Variants in LDB3 observed in about 807,000 individuals in gnomAD.
LDB3 encodes LIM domain binding 3.
LDB3 carries 49 observed loss-of-function variants against 69.0 expected under a neutral mutation model. The ratio of observed to expected loss-of-function variants is 0.71; its 90% CI spans 0.56 to 0.90. The LOEUF is 0.90. LDB3 is among the 40% of genes least tolerant of loss of function. The pLI, the probability that LDB3 is intolerant of heterozygous loss-of-function variation, is 0.00. For synonymous variants in LDB3, 387 were observed against 396.2 expected, an observed-to-expected ratio of 0.98 and a Z score of 0.28; for missense variants, 928 against 974.1, an observed-to-expected ratio of 0.95 and a Z score of 0.63.
At chr10:86,697,510 C>T (rs1225605154) in intron 7 of LDB3, among the ~76,000 whole-genome samples, 4 of 150,820 alleles carry the variant, frequency 2.7e-5, no homozygotes, top group Non-Finnish European at 5.9e-5. Context: ...CGTGAGCCGC[C>T]GTGCCCGGCC....
At chr10:86,710,558 G>A (rs954327729) in intron 9 of LDB3, among the ~76,000 whole-genome samples, 2 of 152,242 alleles carry the variant, frequency 1.3e-5, no homozygotes, top group African/African-American at 4.8e-5. Flanking sequence ...ACTCCAGCCT[G>A]GGCGACAGAA....
intron 2 of LDB3, among the ~76,000 whole-genome samples, chr10:86,669,685 G>A (rs575988232): frequency 1.3e-5 from 2 of 152,370 alleles, no homozygotes; most frequent in Admixed American, 1.3e-4. Context: ...CAGGGCTGAA[G>A]GCCCCAAGGC....
chr10:86,689,585 C>T (rs879326657), intron 5 of LDB3, among the ~76,000 whole-genome samples: 2 of 152,214 alleles, frequency 1.3e-5, no homozygotes, highest in African/African-American at 4.8e-5. Flanking sequence ...TAGCTCCCCC[C>T]GCCTTTCCTA....
chr10:86,718,145 G>T lies in LDB3; in HGVS notation c.1857+1G>T, dbSNP rs892709674. 1 of 1,613,854 alleles carries T rather than the reference G, an allele frequency of 6.2e-7. No homozygotes were observed. The highest frequency in any genetic ancestry group is 8.5e-7 in the Non-Finnish European group (1 of 1,179,756). ...CAAGTGCAACACCAAAATTATGGGG[G>T]TAAGTGGGAGGCCTCCATTTCCTCT... On this transcript the variant is annotated splice_donor_variant, in intron 11 of 13. Coordinates refer to ENST00000361373, the MANE Select transcript of LDB3 (RefSeq NM_007078.3). LOFTEE classifies it high-confidence loss of function.
At chr10:86,682,959 A>C (rs4934244) in intron 5 of LDB3, among the ~76,000 whole-genome samples, 3 of 151,626 alleles carry the variant, frequency 2.0e-5, no homozygotes. Flanking sequence ...AGCTCTTTCT[A>C]GAATCCTCAG....
chr10:86,722,802 C>A (rs1413274321), intron 12 of LDB3, among the ~76,000 whole-genome samples: 1 of 151,114 alleles, frequency 6.6e-6, no homozygotes, highest in Non-Finnish European at 1.5e-5. Flanking sequence ...CTCCTGACCT[C>A]GTGATCTACC....
At chr10:86,725,645 A>G (rs1027060190) in intron 12 of LDB3, among the ~76,000 whole-genome samples, 42 of 152,210 alleles carry the variant, frequency 2.8e-4, no homozygotes, top group African/African-American at 9.2e-4. Context: ...GACATGCCCC[A>G]ATAAAGTAGT....
intron 13 of LDB3, among the ~76,000 whole-genome samples, chr10:86,727,377 G>T (rs1847291359): frequency 6.6e-6 from 1 of 151,976 alleles, no homozygotes; most frequent in Non-Finnish European, 1.5e-5. Context: ...AGTGTCTCAA[G>T]GTAAATTTTG....
At chr10:86,713,825 T>C (rs1473765856) in intron 9 of LDB3, among the ~76,000 whole-genome samples, 2 of 152,238 alleles carry the variant, frequency 1.3e-5, no homozygotes, top group African/African-American at 4.8e-5. Context: ...GTCCCCAGCA[T>C]GCCCTGTGGG....
intron 9 of LDB3, among the ~76,000 whole-genome samples, chr10:86,714,641 C>T (rs1284842025): frequency 8.6e-5 from 13 of 150,824 alleles, no homozygotes; most frequent in Admixed American, 4.6e-4. Flanking sequence ...CTGCAAGCTC[C>T]GCCTCCTGGG....
At chr10:86,701,537 A>G (rs1846263510) in intron 7 of LDB3, among the ~76,000 whole-genome samples, 1 of 152,166 alleles carries the variant, frequency 6.6e-6, no homozygotes, top group East Asian at 1.9e-4. Context: ...GTCTGTGGGC[A>G]TTTGTGGAGG....
intron 8 of LDB3, among the ~76,000 whole-genome samples, chr10:86,707,883 C>G (rs1476639118): frequency 6.6e-6 from 1 of 152,266 alleles, no homozygotes; most frequent in Non-Finnish European, 1.5e-5. Context: ...ATTTAGGACA[C>G]TGCTTCCCCT....
intron 7 of LDB3, among the ~76,000 whole-genome samples, chr10:86,697,185 T>G (rs1026470309): frequency 1.3e-5 from 2 of 151,174 alleles, no homozygotes; most frequent in Non-Finnish European, 2.9e-5. Context: ...TTAAAGTTGC[T>G]CTTCCTGATT....
At chr10:86,690,772 G>C (rs957907703) in intron 5 of LDB3, among the ~76,000 whole-genome samples, 5 of 152,256 alleles carry the variant, frequency 3.3e-5, no homozygotes, top group African/African-American at 1.2e-4. Context: ...CTCCCACTGG[G>C]CAGAAGTAGC....
At chr10:86,716,183 C>A in intron 9 of LDB3, 144 bp from the exon 10 acceptor site, 1 of 912,076 alleles carries the variant, frequency 1.1e-6, no homozygotes, top group Non-Finnish European at 1.8e-6. Context: ...TCAAGAAGTT[C>A]AGGAACAAGT....
chr10:86,715,078 A>G (rs1252934731), intron 9 of LDB3, among the ~76,000 whole-genome samples: 4 of 151,968 alleles, frequency 2.6e-5, no homozygotes, highest in Admixed American at 2.6e-4. Flanking sequence ...GTCCAGGGGA[A>G]CCAGGTGGGA....
chr10:86,710,123 T>C, intron 9 of LDB3, 73 bp downstream of exon 9: 1 of 1,585,166 alleles, frequency 6.3e-7, no homozygotes, highest in Non-Finnish European at 8.5e-7. Flanking sequence ...AGCCAAGAAG[T>C]GGCTCTGGGG....
rs1489413408 is a variant in LDB3, at chr10:86,734,139, G to C, written c.*1163G>C. 3 of 152,188 alleles carry C rather than the reference G, an allele frequency of 2.0e-5. No individual in the cohort carries two copies. Among genetic ancestry groups the C allele is most frequent in the African/African-American group, 7.2e-5 (3 of 41,436 alleles). The allele number at this position is 152,188 out of a possible 1,614,324, so 9.4% of individuals were successfully genotyped here. A position where few individuals can be genotyped will look rare whatever the true frequency, so the allele number is the denominator to read the frequency against. On this transcript the variant is annotated 3_prime_UTR_variant, in exon 14 of 14. Coordinates refer to ENST00000361373, the MANE Select transcript of LDB3 (RefSeq NM_007078.3). ...AATGTTCCTTTAAATGCAGCACACTGAGTTTGTACAATTGTGTTAACTGCT... is the reference window on the plus strand; with the variant it reads ...AATGTTCCTTTAAATGCAGCACACTCAGTTTGTACAATTGTGTTAACTGCT...
chr10:86,682,901 C>T (rs1301311621), intron 5 of LDB3, among the ~76,000 whole-genome samples: 1 of 152,206 alleles, frequency 6.6e-6, no homozygotes, highest in Non-Finnish European at 1.5e-5. Context: ...GGCACCTGTG[C>T]CCCATCAGGT....
Sources: allele counts gnomAD v4.1 joint callset (sites outside exome capture counted in the v4.1 genomes callset), GRCh38; gene constraint gnomAD v4.1.1; transcripts MANE v1.5; gene names NCBI Gene and HGNC (gene_info 2026-07-23, HGNC 2026-07-21).